STARD4: variants seen among roughly 807,000 people sequenced by gnomAD.
STARD4 encodes stAR-related lipid transfer protein 4.
Under a neutral mutation model 24.9 loss-of-function variants are expected in STARD4, and 33 were observed. That is an observed-to-expected ratio of 1.32 (90% CI 1.00 to 1.77). The LOEUF (loss-of-function observed/expected upper bound fraction) is 1.77, where lower values mean the gene tolerates loss of function less well. STARD4 is among the 40% of genes most tolerant of loss of function. The pLI is 0.00. For synonymous variants in STARD4, 88 were observed against 77.4 expected (o/e 1.14, Z -0.72); for missense variants, 238 against 249.3 (o/e 0.95, Z 0.31).
intron 3 of STARD4, among the ~76,000 whole-genome samples, chr5:111,502,804 T>C (rs576706259): frequency 2.1e-5 from 3 of 145,974 alleles, no homozygotes; most frequent in African/African-American, 7.7e-5. Context: ...AAAAAAAAAA[T>C]AATAATAATG....
intron 5 of STARD4, chr5:111,500,562 G>A (rs936984788): frequency 4.7e-6 from 5 of 1,073,322 alleles, no homozygotes; most frequent in Admixed American, 5.1e-5. Flanking sequence ...CTATAGGTAC[G>A]TTTTAGAAAA....
chr5:111,502,820 T>G (rs1326524644), intron 3 of STARD4, among the ~76,000 whole-genome samples: 2 of 75,970 alleles, frequency 2.6e-5, no homozygotes, highest in Admixed American at 2.7e-4. Flanking sequence ...TAATGAAGGG[T>G]TTTTTTTTTT....
At chr5:111,502,721 A>G (rs1756555519) in intron 3 of STARD4, among the ~76,000 whole-genome samples, 1 of 151,872 alleles carries the variant, frequency 6.6e-6, no homozygotes, top group Admixed American at 6.6e-5. Context: ...TGAACCTGGG[A>G]GGCGGAGGTT....
intron 3 of STARD4, among the ~76,000 whole-genome samples, chr5:111,503,830 G>A (rs1003452833): frequency 6.6e-6 from 1 of 151,996 alleles, no homozygotes; most frequent in African/African-American, 2.4e-5. Flanking sequence ...TTTAAAACTA[G>A]CCACACACTG....
rs1260100512 is a variant in STARD4 at position 111,505,857 on chromosome 5, G to C, written c.155+473C>G. ...CACCAACTCAGTCTACAAAGGACAC[G>C]GACATTTTTAAGGCTCTGAATTCAT... On this transcript the variant is annotated intron_variant, in intron 3 of 5. Coordinates refer to ENST00000296632, the MANE Select transcript of STARD4 (RefSeq NM_139164.3). Among the ~76,000 whole-genome samples the C allele has an allele frequency of 2.0e-5, 3 of 151,956 alleles. No homozygotes were observed. In the East Asian group the frequency reaches 5.8e-4, roughly 29 times the overall value.
chr5:111,501,851 AAAGC>A, intron 4 of STARD4, 107 bp downstream of exon 4: 1 of 1,431,812 alleles, frequency 7.0e-7, no homozygotes, highest in Non-Finnish European at 9.5e-7. Flanking sequence ...TGCTATTCTC[AAAGC>A]AATGAATATA....
chr5:111,502,062 T>C lies in STARD4; in HGVS notation c.182A>G (p.Asp61Gly), dbSNP rs1756494963. 1 of 1,614,074 alleles carries C rather than the reference T, an allele frequency of 6.2e-7. No individual in the cohort carries two copies. Among genetic ancestry groups the C allele is most frequent in the Non-Finnish European group, 8.5e-7 (1 of 1,179,984 alleles). ...ATGGTCTATTATACTATAGACAAGG[T>C]CATCTATAACACCTTGGGCTTTGTA... ...YLYKAQGVID[D>G]LVYSIIDHIR... The change falls in exon 4 of 6, where the codon GAC (aspartate) becomes GGC (glycine). Residue 61 changes from aspartate (D) to glycine (G), a missense_variant. Asp to Gly is a moderately conservative substitution (Grantham distance 94). Coordinates refer to ENST00000296632, the MANE Select transcript of STARD4 (RefSeq NM_139164.3).
At chr5:111,500,974 A>G (rs1358174907) in intron 5 of STARD4, 28 bp downstream of exon 5, 1 of 1,613,610 alleles carries the variant, frequency 6.2e-7, no homozygotes, top group Non-Finnish European at 8.5e-7. Context: ...CCATACTGAA[A>G]AAAAGCATAA....
chr5:111,511,039 A>T (rs1757229982), intron 1 of STARD4, among the ~76,000 whole-genome samples: 1 of 152,216 alleles, frequency 6.6e-6, no homozygotes, highest in South Asian at 2.1e-4. Context: ...CCCCAATGTC[A>T]TACAAACCAA....
rs148236970 is a variant in STARD4, at chr5:111,502,341, C to T, written c.156-253G>A. The stretch of plus-strand genomic sequence containing the variant: ...AAAATTAGCCAGGCATGGTGGCATG[C>T]GCCTGTAGTCCCAGCTAGTTGGGAG... On this transcript the variant is annotated intron_variant, in intron 3 of 5. Transcript: ENST00000296632. Among the ~76,000 whole-genome samples, 205 of 151,458 alleles carry T rather than the reference C, an allele frequency of 1.4e-3. 2 individuals carry two copies. The East Asian group carries it at 0.02, about 15-fold the overall frequency.
intron 1 of STARD4, among the ~76,000 whole-genome samples, chr5:111,510,097 C>G (rs1757139309): frequency 6.6e-6 from 1 of 152,166 alleles, no homozygotes; most frequent in Non-Finnish European, 1.5e-5. Context: ...AATCAGAAAG[C>G]TCTCTCTGAT....
intron 3 of STARD4, 31 bp from the exon 4 acceptor site, chr5:111,502,119 T>C (rs1280958167): frequency 2.1e-5 from 34 of 1,599,302 alleles, no homozygotes; most frequent in Non-Finnish European, 2.9e-5. Flanking sequence ...TCAACCGCTG[T>C]TACAATAAAA....
At chr5:111,510,138 C>T (rs1757141737) in intron 1 of STARD4, among the ~76,000 whole-genome samples, 1 of 152,210 alleles carries the variant, frequency 6.6e-6, no homozygotes, top group African/African-American at 2.4e-5. Flanking sequence ...TTTAACCAAA[C>T]AGTTAAGTCT....
intron 3 of STARD4, among the ~76,000 whole-genome samples, chr5:111,503,405 C>T (rs200504481): frequency 2.6e-5 from 4 of 151,934 alleles, no homozygotes; most frequent in Admixed American, 2.0e-4. Flanking sequence ...CCGAGGTGGG[C>T]GGACCACGAG....
At chr5:111,500,347 T>C in intron 5 of STARD4, 1 of 1,198,928 alleles carries the variant, frequency 8.3e-7, no homozygotes, top group Non-Finnish European at 1.0e-6. Flanking sequence ...CATCATATCA[T>C]CTTAGTACTC....
In STARD4 at chr5:111,507,472, A is replaced by G; in HGVS notation, c.-9-30T>C. 1 of 1,573,278 alleles carries G rather than the reference A, an allele frequency of 6.4e-7. No individual in the cohort carries two copies. Among genetic ancestry groups the G allele is most frequent in the Non-Finnish European group, 8.7e-7 (1 of 1,149,090 alleles). ...TATGGAGACCAAGATTAGCATCAGC[A>G]AATACCACAGTTTGAGGCAATAGGC... On this transcript the variant is annotated intron_variant, in intron 1 of 5. Coordinates refer to ENST00000296632, the MANE Select transcript of STARD4 (RefSeq NM_139164.3). The surrounding 1 kb of genome is among the most constrained non-coding windows in gnomAD (Gnocchi z 4.4).
rs1756954292 is a variant in STARD4 at position 111,507,507 on chromosome 5, T to C, written c.-9-65A>G. 1 of 1,229,110 alleles carries C rather than the reference T, an allele frequency of 8.1e-7. No homozygotes were observed. The highest frequency in any genetic ancestry group is 1.5e-5 in the African/African-American group (1 of 66,166). 76.1% of individuals were successfully genotyped at this position (1,229,110 alleles called of 1,614,324 possible). On this transcript the variant is annotated intron_variant, in intron 1 of 5. Coordinates refer to ENST00000296632, the MANE Select transcript of STARD4 (RefSeq NM_139164.3). This position sits in a 1 kb window ranked among gnomAD's most constrained non-coding sequence, Gnocchi z 4.4. ...GTTTGAGGCAATAGGCCAGTGGGTC[T>C]CGAATCTGGTTTCACAATATAATAA... is the stretch of plus-strand genomic sequence containing the variant.
intron 5 of STARD4, chr5:111,500,498 T>A: frequency 9.6e-7 from 1 of 1,036,398 alleles, no homozygotes; most frequent in Non-Finnish European, 1.2e-6. Context: ...AGTAGATGTT[T>A]ACTTACAACT....
At position 111,502,092 on chromosome 5, in the gene STARD4, G is replaced by A; in HGVS notation, c.156-4C>T. ...TATAACACCTTGGGCTTTGTAGCTG[G>A]AGAAAAAAAGTTTAAGTCAACCGCT... On this transcript the variant is annotated splice_region_variant and splice_polypyrimidine_tract_variant and intron_variant, in intron 3 of 5. Transcript: ENST00000296632. 1.9e-6 allele frequency: 3 copies of A among 1,605,452 alleles called. No individual in the cohort carries two copies. Among genetic ancestry groups the A allele is most frequent in the Non-Finnish European group, 2.5e-6 (3 of 1,177,320 alleles).
Sources: allele counts gnomAD v4.1 joint callset (sites outside exome capture counted in the v4.1 genomes callset), GRCh38; gene constraint gnomAD v4.1.1; non-coding constraint Gnocchi (gnomAD v3.1); transcripts MANE v1.5; gene names NCBI Gene and HGNC (gene_info 2026-07-23, HGNC 2026-07-21).